SBNO2: variants seen among roughly 807,000 people sequenced by gnomAD.
The protein encoded by SBNO2 is protein strawberry notch homolog 2.
A neutral mutation model predicts 146.3 loss-of-function variants in SBNO2; 89 were observed. The observed-to-expected ratio is 0.61, with a 90% CI of 0.51 to 0.73. The LOEUF (loss-of-function observed/expected upper bound fraction) is 0.73, where lower values mean the gene tolerates loss of function less well. SBNO2 is among the 30% of genes least tolerant of loss of function. The pLI is 0.00. For synonymous variants in SBNO2, 1,147 were observed against 892.6 expected (o/e 1.29, Z -5.08); for missense variants, 2,092 against 2,003.7 (o/e 1.04, Z -0.84).
intron 2 of SBNO2, among the ~76,000 whole-genome samples, chr19:1,153,429 G>C (rs2080260716): frequency 6.6e-6 from 1 of 151,434 alleles, no homozygotes; most frequent in African/African-American, 2.4e-5. Context: ...AGTAGAGACA[G>C]GGTTTCACCA....
At chr19:1,130,364 G>A (rs979766486) in intron 4 of SBNO2, among the ~76,000 whole-genome samples, 2 of 152,124 alleles carry the variant, frequency 1.3e-5, no homozygotes, top group Non-Finnish European at 2.9e-5. Context: ...TCGGGCAGGG[G>A]GGAGCTCACG....
At chr19:1,170,687 A>C (rs1168532172) in intron 1 of SBNO2, among the ~76,000 whole-genome samples, 1 of 152,144 alleles carries the variant, frequency 6.6e-6, no homozygotes. Flanking sequence ...ACACACGTGC[A>C]CAAGACATGC....
chr19:1,119,784 T>C, intron 12 of SBNO2, 122 bp downstream of exon 12: 1 of 949,930 alleles, frequency 1.1e-6, no homozygotes, highest in Non-Finnish European at 1.6e-6. Flanking sequence ...GGTGCCCCAG[T>C]GTCCGAGGAG....
rs147525230 is a variant in SBNO2, at chr19:1,108,766, G to A, written c.3616+13C>T. The A allele has an allele frequency of 0.04, 63,685 of 1,598,110 alleles. 1,805 individuals carry two copies. The highest frequency in any genetic ancestry group is 0.11 in the South Asian group (9,932 of 90,580). Reference sequence around the variant, plus strand: ...GGGCTCGGGCCTTCCCGGGGCGCCCGCCGCCCACTCACCCACTTGCTTCTT... The same window carrying A: ...GGGCTCGGGCCTTCCCGGGGCGCCCACCGCCCACTCACCCACTTGCTTCTT... On this transcript the variant is annotated intron_variant, in intron 31 of 31. Coordinates refer to ENST00000361757, the MANE Select transcript of SBNO2 (RefSeq NM_014963.3).
At chr19:1,142,212 T>TCAATGACCTCCTTCCCCAA (rs2080147006) in intron 4 of SBNO2, among the ~76,000 whole-genome samples, 1 of 5,288 alleles carries the variant, frequency 1.9e-4, no homozygotes, top group Non-Finnish European at 4.2e-4. Flanking sequence ...ACCTCCCTCA[T>TCAATGACCTCCTTCCCCAA]GATCAACCCT....
intron 2 of SBNO2, among the ~76,000 whole-genome samples, chr19:1,149,802 C>A (rs1387311737): frequency 6.6e-6 from 1 of 152,160 alleles, no homozygotes; most frequent in Non-Finnish European, 1.5e-5. Flanking sequence ...TGCTTGGAGG[C>A]CCCATTCTAG....
In SBNO2 at chr19:1,123,384, G is replaced by A. The variant is rs2079927907; in HGVS notation, c.628+150C>T. 1.2e-5 allele frequency: 8 copies of A among 684,456 alleles called. No individual in the cohort carries two copies. In the South Asian group the frequency reaches 1.5e-4, roughly 13 times the overall value. The allele number at this position is 684,456 out of a possible 1,614,324, so 42.4% of individuals were successfully genotyped here. ...GCGAACCCCGGTTTTGTATAAGCCT[G>A]GATTGTAGAACCTGTCCCCGGGCTC... is the stretch of plus-strand genomic sequence containing the variant. On this transcript the variant is annotated intron_variant, in intron 7 of 31. Transcript: ENST00000361757.
At chr19:1,116,135 C>T (rs974156421) in intron 16 of SBNO2, 32 bp from the exon 17 acceptor site, 22 of 1,583,346 alleles carry the variant, frequency 1.4e-5, no homozygotes, top group East Asian at 2.2e-5. Flanking sequence ...TATTCTCACA[C>T]GAGGAGCTGA....
chr19:1,125,988 C>T (rs1161076647), intron 5 of SBNO2, among the ~76,000 whole-genome samples: 1 of 152,114 alleles, frequency 6.6e-6, no homozygotes, highest in Non-Finnish European at 1.5e-5. Flanking sequence ...AGTGAGATCC[C>T]GTCTCAAAAT....
intron 4 of SBNO2, among the ~76,000 whole-genome samples, chr19:1,130,868 G>A (rs1013926642): frequency 6.6e-6 from 1 of 152,166 alleles, no homozygotes; most frequent in Non-Finnish European, 1.5e-5. Flanking sequence ...ACGCAGCCTC[G>A]AGGCCCCGCC....
At chr19:1,146,492 C>A (rs2080190978) in intron 4 of SBNO2, among the ~76,000 whole-genome samples, 2 of 152,146 alleles carry the variant, frequency 1.3e-5, no homozygotes. Flanking sequence ...TCTCACATGC[C>A]CATTACACAG....
chr19:1,134,152 T>A (rs564143575), intron 4 of SBNO2, among the ~76,000 whole-genome samples: 2 of 119,394 alleles, frequency 1.7e-5, no homozygotes, highest in African/African-American at 7.6e-5. Context: ...AGCTCACGGG[T>A]GGACTCACAG....
In SBNO2 at chr19:1,108,647, T is replaced by G; in HGVS notation, c.3674A>C (p.Asp1225Ala). ...RRVLQELRLM[D>A]ADVKRRQAPA... ...CGCCTGCCTGCGCTTCACGTCCGCA[T>G]CCATCAGCCGCAGCTCCTGCAGCAC... The change falls in exon 32 of 32, where the codon GAT becomes GCT. Residue 1225 changes from aspartate to alanine, a missense_variant. By Grantham distance (126) the Asp-to-Ala change is moderately radical. Transcript: ENST00000361757. 1 of 1,512,802 alleles carries G rather than the reference T, an allele frequency of 6.6e-7. No homozygotes were observed. Among genetic ancestry groups the G allele is most frequent in the Non-Finnish European group, 8.8e-7 (1 of 1,138,300 alleles). The allele number at this position is 1,512,802 out of a possible 1,614,324, so 93.7% of individuals were successfully genotyped here.
rs375422120 is a variant in SBNO2 at position 1,111,990 on chromosome 19, C to G, written c.2700+6G>C. The G allele has an allele frequency of 2.3e-4, 366 of 1,611,198 alleles. 3 individuals carry two copies. The African/African-American group carries it at 4.4e-3, about 20-fold the overall frequency. On this transcript the variant is annotated splice_donor_region_variant and intron_variant, in intron 23 of 31. Coordinates refer to ENST00000361757, the MANE Select transcript of SBNO2 (RefSeq NM_014963.3). ...CCGCCCCCCAACCCTGCCTTCCCTG[C>G]AGTACCTTGTTCTCAAAGTTGTACT...
chr19:1,147,064 C>T (rs1040674467), intron 4 of SBNO2, among the ~76,000 whole-genome samples: 12 of 152,028 alleles, frequency 7.9e-5, no homozygotes, highest in Non-Finnish European at 1.0e-4. Flanking sequence ...CCCAGATGCT[C>T]GCAGGGACCC....
intron 4 of SBNO2, among the ~76,000 whole-genome samples, chr19:1,138,553 G>A (rs1396512912): frequency 1.3e-5 from 2 of 152,044 alleles, no homozygotes; most frequent in African/African-American, 4.8e-5. Context: ...TGTCCACTGG[G>A]AAGTTTGCAC....
Position 1,113,516 on chromosome 19 carries a change from G to A in SBNO2, c.2247+19C>T. ...CCCATGCCCCGCCCACCACACTCCA[G>A]CTGCCACGTCCCACCCACCTCCGCC... On this transcript the variant is annotated intron_variant, in intron 19 of 31. Transcript: ENST00000361757. 1 of 1,579,826 alleles carries A rather than the reference G, an allele frequency of 6.3e-7. No homozygotes were observed. The highest frequency in any genetic ancestry group is 1.1e-5 in the South Asian group (1 of 88,374).
At position 1,119,089 on chromosome 19, in the gene SBNO2, G is replaced by A. The variant is rs775575740; in HGVS notation, c.1449C>T (p.Phe483=). 17 of 1,606,196 alleles carry A rather than the reference G, an allele frequency of 1.1e-5. No individual in the cohort carries two copies. The East Asian group carries it at 2.9e-4, about 28-fold the overall frequency. Residue 483 remains phenylalanine, a synonymous_variant, in exon 14 of 32, where the codon TTC becomes TTT. Coordinates refer to ENST00000361757, the MANE Select transcript of SBNO2 (RefSeq NM_014963.3). ...SGMYIARQLS[F]SGVTFRIEEI... Reference sequence around the variant, plus strand: ...CCTCGATGCGGAAGGTGACGCCGGAGAAGCTGAGCTGGCGTGCGATGTACA... The same window carrying A: ...CCTCGATGCGGAAGGTGACGCCGGAAAAGCTGAGCTGGCGTGCGATGTACA...
chr19:1,134,910 G>A (rs1042959157), intron 4 of SBNO2, among the ~76,000 whole-genome samples: 1 of 151,934 alleles, frequency 6.6e-6, no homozygotes, highest in East Asian at 1.9e-4. Flanking sequence ...GCCAGGTGTG[G>A]TGGTGGGTAC....
Sources: allele counts gnomAD v4.1 joint callset (sites outside exome capture counted in the v4.1 genomes callset), GRCh38; gene constraint gnomAD v4.1.1; transcripts MANE v1.5; gene names NCBI Gene and HGNC (gene_info 2026-07-23, HGNC 2026-07-21).